The following MAF variants were observed in gnomAD, a reference collection of about 807,000 sequenced individuals.
MAF encodes the protein MAF bZIP transcription factor, also known as transcription factor Maf.
Under a neutral mutation model 22.0 loss-of-function variants are expected in MAF, and 10 were observed. The observed-to-expected ratio is 0.45, with a 90% CI of 0.28 to 0.77. MAF has a LOEUF of 0.77. Ranked by LOEUF, MAF falls within the 30% of genes least tolerant of loss-of-function variation. The probability of loss-of-function intolerance (pLI) is 0.12; values close to 1 mark genes in which losing one functional copy is unlikely to be tolerated. For missense variants in MAF, 544 were observed against 548.4 expected (o/e 0.99, Z 0.08); for synonymous variants, 337 against 255.8 (o/e 1.32, Z -3.03).
At chr16:79,251,447 C>T in the MAF span, among the ~76,000 whole-genome samples, 1 of 151,666 alleles carries the variant, frequency 6.6e-6, no homozygotes, top group Non-Finnish European at 1.5e-5. Context: ...TCCAGAGTAG[C>T]TGGGATTACA....
the MAF span, among the ~76,000 whole-genome samples, chr16:79,497,226 A>T: frequency 6.6e-6 from 1 of 152,176 alleles, no homozygotes; most frequent in African/African-American, 2.4e-5. Flanking sequence ...GAATCCTCAT[A>T]TTTAAAACAA....
chr16:79,491,930 C>G, the MAF span, among the ~76,000 whole-genome samples: 4 of 152,178 alleles, frequency 2.6e-5, no homozygotes, highest in South Asian at 2.1e-4. Flanking sequence ...TCATAAACAA[C>G]AGGTCTCCTC....
chr16:79,387,294 C>A, the MAF span, among the ~76,000 whole-genome samples: 6 of 152,296 alleles, frequency 3.9e-5, no homozygotes, highest in African/African-American at 1.4e-4. Flanking sequence ...TCTCCATAAG[C>A]ATGTCTAAGG....
the MAF span, among the ~76,000 whole-genome samples, chr16:79,302,804 A>G: frequency 5.9e-5 from 9 of 152,266 alleles, no homozygotes; most frequent in African/African-American, 1.9e-4. Flanking sequence ...TGCTTTCAGC[A>G]TTGCCACCAG....
chr16:79,454,695 C>T, the MAF span, among the ~76,000 whole-genome samples: 5 of 152,220 alleles, frequency 3.3e-5, no homozygotes, highest in Non-Finnish European at 7.4e-5. Context: ...TCTGCCTCTC[C>T]GTAAGCTGAT....
the MAF span, among the ~76,000 whole-genome samples, chr16:79,236,324 T>TCCCTCC: frequency 5.9e-3 from 899 of 151,978 alleles, 14 homozygotes; most frequent in African/African-American, 0.021. Flanking sequence ...GGGTCTCCTT[T>TCCCTCC]CCCTCCCTCT....
chr16:79,206,765 A>C, the MAF span: 78 of 152,320 alleles, frequency 5.1e-4, no homozygotes, highest in African/African-American at 1.9e-3. Flanking sequence ...TAGAAGTATC[A>C]CGGTGGAAGA....
the MAF span, among the ~76,000 whole-genome samples, chr16:79,346,645 T>C: frequency 6.8e-6 from 1 of 147,294 alleles, no homozygotes; most frequent in East Asian, 2.1e-4. Flanking sequence ...AAGTAAGTGT[T>C]GTGGTGGATC....
At chr16:79,330,746 C>G in the MAF span, among the ~76,000 whole-genome samples, 1 of 152,236 alleles carries the variant, frequency 6.6e-6, no homozygotes, top group Non-Finnish European at 1.5e-5. Context: ...GGAAATCTGG[C>G]TCAGCTCCTC....
At chr16:79,426,348 T>C in the MAF span, among the ~76,000 whole-genome samples, 50 of 152,330 alleles carry the variant, frequency 3.3e-4, no homozygotes, top group East Asian at 1.3e-3. Context: ...CTTAGCTATA[T>C]TGGGTCAAAT....
the MAF span, among the ~76,000 whole-genome samples, chr16:79,471,419 A>G: frequency 6.6e-6 from 1 of 152,190 alleles, no homozygotes; most frequent in Non-Finnish European, 1.5e-5. Flanking sequence ...GCACTTTGGG[A>G]GGCCAAGGCA....
At chr16:79,237,133 T>C in the MAF span, among the ~76,000 whole-genome samples, 187 of 152,132 alleles carry the variant, frequency 1.2e-3, no homozygotes, top group African/African-American at 4.2e-3. Flanking sequence ...AATAATAAAC[T>C]GGTCTGGCCT....
chr16:79,277,558 GATTAGTACT>G, the MAF span, among the ~76,000 whole-genome samples: 1 of 152,246 alleles, frequency 6.6e-6, no homozygotes, highest in South Asian at 2.1e-4. Context: ...AACTCTCTGA[GATTAGTACT>G]ATTAGTACTA....
At chr16:79,246,148 T>G in the MAF span, among the ~76,000 whole-genome samples, 1 of 152,038 alleles carries the variant, frequency 6.6e-6, no homozygotes, top group Non-Finnish European at 1.5e-5. Flanking sequence ...ATGGCACGTG[T>G]ATACCTGTGG....
the MAF span, among the ~76,000 whole-genome samples, chr16:79,230,323 G>C: frequency 3.3e-5 from 5 of 152,126 alleles, no homozygotes; most frequent in Admixed American, 2.6e-4. Context: ...GTGACAGAAA[G>C]AATGTACAGG....
At chr16:79,565,392 G>A in the MAF span, among the ~76,000 whole-genome samples, 2 of 152,162 alleles carry the variant, frequency 1.3e-5, no homozygotes, top group South Asian at 4.2e-4. Flanking sequence ...CTGCTGACCT[G>A]GGACTATGAT....
At chr16:79,414,502 T>C in the MAF span, among the ~76,000 whole-genome samples, 1 of 152,200 alleles carries the variant, frequency 6.6e-6, no homozygotes, top group Non-Finnish European at 1.5e-5. Flanking sequence ...ATGAGGGATC[T>C]GCCTCCAGGA....
At chr16:79,249,092 G>T in the MAF span, among the ~76,000 whole-genome samples, 1 of 152,080 alleles carries the variant, frequency 6.6e-6, no homozygotes, top group African/African-American at 2.4e-5. Context: ...AGGTTATGAG[G>T]GCTCTGTCTA....
At chr16:79,553,691 G>A in the MAF span, among the ~76,000 whole-genome samples, 1 of 152,188 alleles carries the variant, frequency 6.6e-6, no homozygotes, top group African/African-American at 2.4e-5. Flanking sequence ...TCTTTCCTCT[G>A]TCTTCTTGAA....
Sources: gnomAD v4.1 joint callset for allele counts (sites outside exome capture counted in the v4.1 genomes callset) on GRCh38, gnomAD v4.1.1 for gene constraint, MANE v1.5 for transcripts, NCBI Gene and HGNC (gene_info 2026-07-23, HGNC 2026-07-21) for gene names.